Variants in ACOXL observed in about 807,000 individuals in gnomAD.
The protein encoded by ACOXL is acyl-coenzyme A oxidase-like protein.
A neutral mutation model predicts 71.9 loss-of-function variants in ACOXL; 70 were observed. The ratio of observed to expected loss-of-function variants is 0.97; its 90% CI spans 0.80 to 1.19. The LOEUF (loss-of-function observed/expected upper bound fraction) is 1.19, where lower values mean the gene tolerates loss of function less well. Ranked by LOEUF, ACOXL falls within the 50% of genes most tolerant of loss-of-function variation. The probability of loss-of-function intolerance (pLI) is 0.00; values close to 1 mark genes in which losing one functional copy is unlikely to be tolerated. For missense variants in ACOXL, 703 were observed against 736.3 expected (o/e 0.95, Z 0.52); for synonymous variants, 253 against 281.6 (o/e 0.90, Z 1.02).
At chr2:110,933,758 A>T in intron 12 of ACOXL, 116 bp downstream of exon 12, 1 of 1,326,726 alleles carries the variant, frequency 7.5e-7, no homozygotes, top group African/African-American at 1.5e-5. Flanking sequence ...CCAACTGCCC[A>T]TGACTCTGGG....
In ACOXL at chr2:110,919,746, C is replaced by T. The variant is rs186176152; in HGVS notation, c.905+10841C>T. Among the ~76,000 whole-genome samples the T allele has an allele frequency of 3.3e-5, 5 of 152,290 alleles. No individual in the cohort carries two copies. In the East Asian group the frequency reaches 9.6e-4, roughly 29 times the overall value. On this transcript the variant is annotated intron_variant, in intron 11 of 17. Transcript: ENST00000439055. ...ACTTCTTCCCACAGTCTTACCCCAG[C>T]AACCTGTATTTTACACCTATAGTTT...
chr2:111,044,723 G>A (rs775072424), intron 15 of ACOXL, among the ~76,000 whole-genome samples: 1 of 152,152 alleles, frequency 6.6e-6, no homozygotes, highest in African/African-American at 2.4e-5. Flanking sequence ...TATTCTAGGT[G>A]CAACCATTTC....
chr2:110,851,191 G>A (rs557169870), intron 10 of ACOXL, among the ~76,000 whole-genome samples: 4 of 152,284 alleles, frequency 2.6e-5, no homozygotes, highest in African/African-American at 7.2e-5. Context: ...GTGGTGACAC[G>A]ACTGTATATA....
At chr2:110,941,455 A>G (rs1200760268) in intron 12 of ACOXL, among the ~76,000 whole-genome samples, 1 of 152,210 alleles carries the variant, frequency 6.6e-6, no homozygotes, top group Non-Finnish European at 1.5e-5. Context: ...CTATGTTTGC[A>G]GCTCCATCTT....
At chr2:110,968,663 C>A in intron 12 of ACOXL, 2 of 1,120,416 alleles carry the variant, frequency 1.8e-6, no homozygotes, top group Non-Finnish European at 1.3e-6. Flanking sequence ...GAAGAAAGAT[C>A]AGATAGCTCA....
chr2:110,808,506 T>C (rs1686935493), intron 9 of ACOXL, among the ~76,000 whole-genome samples: 1 of 152,014 alleles, frequency 6.6e-6, no homozygotes, highest in South Asian at 2.1e-4. Context: ...ACTCCCTGGG[T>C]CCCCAGGATC....
intron 2 of ACOXL, among the ~76,000 whole-genome samples, chr2:110,777,715 C>T (rs975039370): frequency 3.3e-5 from 5 of 152,202 alleles, no homozygotes; most frequent in East Asian, 1.9e-4. Flanking sequence ...GCCATCAGCG[C>T]GGGCAGCCCT....
At chr2:110,822,969 C>CTGG (rs1398937665) in intron 9 of ACOXL, among the ~76,000 whole-genome samples, 3 of 152,058 alleles carry the variant, frequency 2.0e-5, no homozygotes, top group Non-Finnish European at 4.4e-5. Flanking sequence ...TAAGATTCAC[C>CTGG]TGGCTGGGTG....
Position 111,118,028 on chromosome 2 carries a change from C to T in ACOXL, c.*212C>T. ...CAGACGGTCGCCTGGTGCGCTGGAT[C>T]CCTGTGCCCTTTCCCTGAAACCCAG... On this transcript the variant is annotated 3_prime_UTR_variant, in exon 18 of 18. Transcript: ENST00000439055. 1.6e-6 allele frequency: 1 copy of T among 620,576 alleles called. No homozygotes were observed. The highest frequency in any genetic ancestry group is 2.8e-6 in the Non-Finnish European group (1 of 358,280). 38.4% of individuals were successfully genotyped at this position (620,576 alleles called of 1,614,324 possible).
intron 15 of ACOXL, among the ~76,000 whole-genome samples, chr2:111,043,201 C>T (rs1271191696): frequency 6.6e-6 from 1 of 152,066 alleles, no homozygotes; most frequent in Non-Finnish European, 1.5e-5. Flanking sequence ...TGAGCAGGGC[C>T]CTCACCCTCT....
chr2:110,812,471 C>T (rs781600151), intron 9 of ACOXL, among the ~76,000 whole-genome samples: 2 of 152,184 alleles, frequency 1.3e-5, no homozygotes, highest in Non-Finnish European at 2.9e-5. Context: ...CTCCCCACTC[C>T]CTCCTCAAGT....
intron 14 of ACOXL, among the ~76,000 whole-genome samples, chr2:111,022,324 C>G (rs1182128677): frequency 2.6e-5 from 4 of 152,026 alleles, no homozygotes; most frequent in Non-Finnish European, 4.4e-5. Context: ...GAGATCGTTC[C>G]ACTGCACTCC....
At chr2:110,945,286 G>A (rs950452771) in intron 12 of ACOXL, among the ~76,000 whole-genome samples, 3 of 151,864 alleles carry the variant, frequency 2.0e-5, no homozygotes, top group African/African-American at 7.3e-5. Flanking sequence ...CCATTCTGTA[G>A]GTTGTCTGTT....
rs543398414 is a variant in ACOXL at position 110,920,116 on chromosome 2, A to G, written c.905+11211A>G. Among the ~76,000 whole-genome samples the G allele has an allele frequency of 4.6e-5, 7 of 152,310 alleles. No homozygotes were observed. The East Asian group carries it at 1.3e-3, about 29-fold the overall frequency. ...GACTGGTAGGTCAAGTGGTAAGTGTATGTTTAACTTTATAAGAAATTGCTA... is the reference window on the plus strand; with the variant it reads ...GACTGGTAGGTCAAGTGGTAAGTGTGTGTTTAACTTTATAAGAAATTGCTA... On this transcript the variant is annotated intron_variant, in intron 11 of 17. Transcript: ENST00000439055.
chr2:110,746,600 G>T (rs1198761790), intron 1 of ACOXL, among the ~76,000 whole-genome samples: 1 of 152,122 alleles, frequency 6.6e-6, no homozygotes, highest in East Asian at 1.9e-4. Flanking sequence ...GAATGGATTT[G>T]TTGTTGAAGA....
chr2:110,939,008 T>C (rs1183351467), intron 12 of ACOXL, among the ~76,000 whole-genome samples: 1 of 152,234 alleles, frequency 6.6e-6, no homozygotes, highest in African/African-American at 2.4e-5. Flanking sequence ...TTTATGTTAG[T>C]GTGTCTAGTT....
At position 110,778,569 on chromosome 2, in the gene ACOXL, G is replaced by A. The variant is rs1049189777; in HGVS notation, c.76-6163G>A. Among the ~76,000 whole-genome samples the A allele has an allele frequency of 6.6e-5, 10 of 152,184 alleles. 1 individual carries two copies. The highest frequency in any genetic ancestry group is 2.4e-4 in the African/African-American group (10 of 41,456). ...GTTCATGACTGGCTGCTCCTTCACT[G>A]AGGAGCCATGTGGCCTTGGGCTAGT... On this transcript the variant is annotated intron_variant, in intron 2 of 17. Transcript: ENST00000439055.
At chr2:111,066,772 CAA>C (rs946017130) in intron 16 of ACOXL, among the ~76,000 whole-genome samples, 51 of 151,992 alleles carry the variant, frequency 3.4e-4, no homozygotes, top group African/African-American at 1.1e-3. Context: ...GAATTCAAGA[CAA>C]TAAAAATTAT....
chr2:111,081,863 A>G (rs926768354), intron 16 of ACOXL, among the ~76,000 whole-genome samples: 2 of 152,182 alleles, frequency 1.3e-5, no homozygotes, highest in Non-Finnish European at 2.9e-5. Context: ...CTCAGAAATA[A>G]TGCTACACAT....
Sources: gnomAD v4.1 joint callset for allele counts (sites outside exome capture counted in the v4.1 genomes callset) on GRCh38, gnomAD v4.1.1 for gene constraint, MANE v1.5 for transcripts, NCBI Gene and HGNC (gene_info 2026-07-23, HGNC 2026-07-21) for gene names.